The following CD86 variants were observed in gnomAD, a reference collection of about 807,000 sequenced individuals.
CD86 encodes the protein T-lymphocyte activation antigen CD86.
In CD86, 11 loss-of-function variants were observed where a neutral mutation model predicts 32.1. The observed-to-expected ratio is 0.34, with a 90% CI of 0.22 to 0.57. The LOEUF (loss-of-function observed/expected upper bound fraction) is 0.57. CD86 is among the 20% of genes least tolerant of loss of function. The pLI is 0.86. For missense variants in CD86, 359 were observed against 398.4 expected, an observed-to-expected ratio of 0.90 and a Z score of 0.84; for synonymous variants, 137 against 135.3, an observed-to-expected ratio of 1.01 and a Z score of -0.09.
intron 1 of CD86, among the ~76,000 whole-genome samples, chr3:122,082,420 T>G (rs2072647483): frequency 6.6e-6 from 1 of 152,346 alleles, no homozygotes; most frequent in South Asian, 2.1e-4. Context: ...TGTTCTTCAT[T>G]TGACATAATT....
chr3:122,086,181 A>G (rs2072715646), intron 1 of CD86, among the ~76,000 whole-genome samples: 1 of 152,178 alleles, frequency 6.6e-6, no homozygotes, highest in Non-Finnish European at 1.5e-5. Flanking sequence ...CACTGAGTAG[A>G]TGTAGCAAAT....
chr3:122,074,719 G>A (rs1162674112), intron 1 of CD86, among the ~76,000 whole-genome samples: 1 of 152,126 alleles, frequency 6.6e-6, no homozygotes, highest in Non-Finnish European at 1.5e-5. Flanking sequence ...GTTTGGTGAG[G>A]TCAACTTCCA....
At chr3:122,078,840 A>C (rs192714661) in intron 1 of CD86, among the ~76,000 whole-genome samples, 1 of 152,348 alleles carries the variant, frequency 6.6e-6, no homozygotes, top group East Asian at 1.9e-4. Flanking sequence ...TGAACTGTTT[A>C]TCTTACATGT....
chr3:122,114,056 G>A (rs532742889), intron 5 of CD86, among the ~76,000 whole-genome samples: 24 of 152,080 alleles, frequency 1.6e-4, no homozygotes, highest in African/African-American at 4.3e-4. Context: ...TTCGAGACCC[G>A]CCTGGCCAAC....
chr3:122,066,320 T>C (rs1241409837), intron 1 of CD86, among the ~76,000 whole-genome samples: 1 of 152,146 alleles, frequency 6.6e-6, no homozygotes, highest in Non-Finnish European at 1.5e-5. Context: ...AAATATCAAG[T>C]GCATAGCTCA....
intron 1 of CD86, among the ~76,000 whole-genome samples, chr3:122,057,077 TAA>T (rs1261811120): frequency 6.6e-6 from 1 of 152,216 alleles, no homozygotes; most frequent in African/African-American, 2.4e-5. Flanking sequence ...AGATAAATAT[TAA>T]GTTTTAAAAA....
At chr3:122,101,970 G>A (rs993617179) in intron 2 of CD86, among the ~76,000 whole-genome samples, 1 of 152,182 alleles carries the variant, frequency 6.6e-6, no homozygotes, top group East Asian at 1.9e-4. Flanking sequence ...CAGGGTCCTA[G>A]TGAGTGTAGT....
At chr3:122,098,435 C>G (rs1192879145) in intron 2 of CD86, among the ~76,000 whole-genome samples, 1 of 151,998 alleles carries the variant, frequency 6.6e-6, no homozygotes, top group Non-Finnish European at 1.5e-5. Flanking sequence ...GGCAGTGTGG[C>G]TGGGGAGAGT....
intron 2 of CD86, among the ~76,000 whole-genome samples, chr3:122,101,513 A>AATATATATATATATATATATAT (rs58001956): frequency 2.2e-5 from 1 of 46,334 alleles, no homozygotes; most frequent in African/African-American, 8.5e-5. Context: ...AAAAAAAAAA[A>AATATATATATATATATATATAT]ATATATATAT....
chr3:122,091,451 G>T, intron 1 of CD86, 150 bp from the exon 2 acceptor site: 1 of 683,532 alleles, frequency 1.5e-6, no homozygotes, highest in Non-Finnish European at 2.6e-6. Flanking sequence ...AGAGCAAAAG[G>T]AAATGGCTTT....
In CD86 at chr3:122,098,787, G is replaced by A. The variant is rs373478598; in HGVS notation, c.65-4725G>A. On this transcript the variant is annotated intron_variant, in intron 2 of 6. Coordinates refer to ENST00000330540, the MANE Select transcript of CD86 (RefSeq NM_175862.5). The stretch of plus-strand genomic sequence containing the variant: ...TCTAGATCTCCTCAGACACACTTGT[G>A]TAGAGCCTCTGTTGGGTATTTTGGG... Among the ~76,000 whole-genome samples, 88 of 152,310 alleles carry A rather than the reference G, an allele frequency of 5.8e-4. 1 individual carries two copies. In the South Asian group the frequency reaches 0.017, roughly 29 times the overall value.
At chr3:122,097,921 A>C (rs779900692) in intron 2 of CD86, among the ~76,000 whole-genome samples, 1 of 152,140 alleles carries the variant, frequency 6.6e-6, no homozygotes, top group Non-Finnish European at 1.5e-5. Flanking sequence ...CCTAAGAATG[A>C]GGGTGCCTGG....
rs955583456 is a variant in CD86, at chr3:122,090,223, G to GA, written c.15-1370dup. On this transcript the variant is annotated intron_variant, in intron 1 of 6. Transcript: ENST00000330540. ...AAAAAGAAAAGGTATAGTCTAGAAG[G>GA]AAAAAAAACATAACAGACACTTCTA... 3.9e-4 allele frequency among the ~76,000 whole-genome samples: 60 copies of GA among 151,920 alleles called. 1 individual carries two copies. The highest frequency in any genetic ancestry group is 3.4e-3 in the Middle Eastern group (1 of 294).
intron 2 of CD86, among the ~76,000 whole-genome samples, chr3:122,099,917 T>C (rs1297431619): frequency 6.6e-6 from 1 of 152,146 alleles, no homozygotes; most frequent in Non-Finnish European, 1.5e-5. Flanking sequence ...TGGATAAAGC[T>C]GAGGTCTTGA....
Position 122,103,718 on chromosome 3 carries a change from G to A in CD86, c.271G>A (p.Asp91Asn). ...TATGGGCCGCACAAGTTTTGATTCG[G>A]ACAGTTGGACCCTGAGACTTCACAA... ...KYMGRTSFDS[D>N]SWTLRLHNLQ... Residue 91 changes from aspartate (D) to asparagine (N), a missense_variant, in exon 3 of 7, where the codon GAC (aspartate) becomes AAC (asparagine). Transcript: ENST00000330540. The A allele has an allele frequency of 6.2e-7, 1 of 1,614,054 alleles. No individual in the cohort carries two copies. Among genetic ancestry groups the A allele is most frequent in the South Asian group, 1.1e-5 (1 of 91,084 alleles).
intron 3 of CD86, among the ~76,000 whole-genome samples, chr3:122,105,104 G>A (rs1576782899): frequency 6.6e-6 from 1 of 152,346 alleles, no homozygotes; most frequent in East Asian, 1.9e-4. Flanking sequence ...AGGGCTTTAG[G>A]AATAGTTAAC....
intron 2 of CD86, among the ~76,000 whole-genome samples, chr3:122,101,508 AAAAAAATAT>A (rs1426567382): frequency 9.9e-5 from 4 of 40,470 alleles, no homozygotes; most frequent in South Asian, 1.1e-3. Context: ...AAAAAAAAAA[AAAAAAATAT>A]ATATATATAT....
At chr3:122,066,505 AG>A (rs1274989117) in intron 1 of CD86, among the ~76,000 whole-genome samples, 5 of 152,202 alleles carry the variant, frequency 3.3e-5, no homozygotes, top group Admixed American at 3.3e-4. Context: ...TCCTGCTAAA[AG>A]CTTGAGGGTC....
At position 122,119,478 on chromosome 3, in the gene CD86, C is replaced by T. The variant is rs201148004; in HGVS notation, c.934C>T (p.Arg312Cys). Residue 312 changes from arginine to cysteine, a missense_variant, in exon 7 of 7, where the codon CGT (arginine) becomes TGT (cysteine). Arg to Cys is a radical substitution (Grantham distance 180). Transcript: ENST00000330540. The stretch of plus-strand genomic sequence containing the variant: ...ACCTGAAAGATCTGATGAAGCCCAG[C>T]GTGTTTTTAAAAGTTCGAAGACATC... The part of the protein sequence containing the change: ...HIPERSDEAQ[R>C]VFKSSKTSSC... 160 of 1,611,274 alleles carry T rather than the reference C, an allele frequency of 9.9e-5. 2 individuals are homozygous for T. In the South Asian group the frequency reaches 1.1e-3, roughly 11 times the overall value.
Sources: gnomAD v4.1 joint callset for allele counts (sites outside exome capture counted in the v4.1 genomes callset) on GRCh38, gnomAD v4.1.1 for gene constraint, MANE v1.5 for transcripts, NCBI Gene and HGNC (gene_info 2026-07-23, HGNC 2026-07-21) for gene names.